TRMT10C: variants seen among roughly 807,000 people sequenced by gnomAD.
TRMT10C encodes tRNA methyltransferase 10C, mitochondrial RNase P subunit, also known as tRNA methyltransferase 10 homolog C.
In TRMT10C, 14 loss-of-function variants were observed where a neutral mutation model predicts 27.4. The observed-to-expected ratio is 0.51, with a 90% confidence interval of 0.34 to 0.80. The LOEUF (loss-of-function observed/expected upper bound fraction) is 0.80. Ranked by LOEUF, TRMT10C falls within the 30% of genes least tolerant of loss-of-function variation. The pLI is 0.02. For missense variants in TRMT10C, 438 were observed against 464.8 expected, an observed-to-expected ratio of 0.94 and a Z score of 0.53; for synonymous variants, 143 against 155.9, an observed-to-expected ratio of 0.92 and a Z score of 0.62.
Position 101,565,167 on chromosome 3 carries a change from A to C in TRMT10C, c.386A>C (p.Lys129Thr). ...ATGGAATGTGTTTCTAACACAGCAA[A>C]AAAAAAATATTTAAAATATTTATAT... ...TLMECVSNTA[K>T]KKYLKYLYTK... The change falls in exon 2 of 2, where the codon AAA becomes ACA. Residue 129 changes from lysine (K) to threonine (T), a missense_variant. This residue lies in a region of TRMT10C where 350 missense variants were observed against 370.5 expected (regional missense o/e 0.94). Transcript: ENST00000309922. 1 of 1,564,916 alleles carries C rather than the reference A, an allele frequency of 6.4e-7. No individual in the cohort carries two copies. Among genetic ancestry groups the C allele is most frequent in the Non-Finnish European group, 8.6e-7 (1 of 1,161,290 alleles).
At position 101,565,865 on chromosome 3, in the gene TRMT10C, T is replaced by G; in HGVS notation, c.1084T>G (p.Cys362Gly). The change falls in exon 2 of 2, where the codon TGT (cysteine) becomes GGT (glycine). Residue 362 changes from cysteine to glycine, a missense_variant. Coordinates refer to ENST00000309922, the MANE Select transcript of TRMT10C (RefSeq NM_017819.4). ...AGATCAAATGATACGTATTTTGTTA[T>G]GTCTGAAAAACAATGGTAATTGGCA... ...TLDQMIRILL[C>G]LKNNGNWQEA... The G allele has an allele frequency of 2.5e-6, 4 of 1,614,218 alleles. No homozygotes were observed. Among genetic ancestry groups the G allele is most frequent in the Non-Finnish European group, 3.4e-6 (4 of 1,180,028 alleles).
chr3:101,565,012 ATG>A lies in TRMT10C; in HGVS notation c.235_236del (p.Val79PhefsTer7), dbSNP rs1187180598. 6.2e-7 allele frequency: 1 copy of A among 1,614,052 alleles called. No homozygotes were observed. The highest frequency in any genetic ancestry group is 8.5e-7 in the Non-Finnish European group (1 of 1,180,018). On this transcript the variant is annotated frameshift_variant, in exon 2 of 2. Coordinates refer to ENST00000309922, the MANE Select transcript of TRMT10C (RefSeq NM_017819.4). LOFTEE classifies it high-confidence loss of function. ...TTMKSSVQEE[C>X]VSTISSSKDE... ...CCATGAAATCTAGTGTGCAAGAAGA[ATG>A]TGTTTCAACAATCTCAAGCAGTAAG...
Position 101,565,260 on chromosome 3 carries a change from C to G in TRMT10C, c.479C>G (p.Ala160Gly). ...ATGAAAGCAGCAGCAAGGGAAGAAG[C>G]AAAAAATATCAAGCTGCTAGAAACC... is the stretch of plus-strand genomic sequence containing the variant. ...KEMKAAAREE[A>G]KNIKLLETTE... is the part of the protein sequence containing the mutation. Residue 160 changes from alanine to glycine, a missense_variant, in exon 2 of 2, where the codon GCA becomes GGA. Ala to Gly is a moderately conservative substitution (Grantham distance 60, BLOSUM62 0). Coordinates refer to ENST00000309922, the MANE Select transcript of TRMT10C (RefSeq NM_017819.4). The G allele has an allele frequency of 6.2e-7, 1 of 1,610,650 alleles. No homozygotes were observed. Among genetic ancestry groups the G allele is most frequent in the South Asian group, 1.1e-5 (1 of 90,176 alleles).
Position 101,566,053 on chromosome 3 carries a change from G to A in TRMT10C, c.*60G>A. On this transcript the variant is annotated 3_prime_UTR_variant, in exon 2 of 2. Transcript: ENST00000309922. ...ACACGTGGCTCAAATGAGAACATTT[G>A]ATGGCTTAAAAAGTAAATGCGTTAG... 1 of 1,498,330 alleles carries A rather than the reference G, an allele frequency of 6.7e-7. No homozygotes were observed. Among genetic ancestry groups the A allele is most frequent in the Non-Finnish European group, 8.9e-7 (1 of 1,119,678 alleles). The allele number at this position is 1,498,330 out of a possible 1,614,324, so 92.8% of individuals were successfully genotyped here.
chr3:101,564,916 A>G lies in TRMT10C; in HGVS notation c.135A>G (p.Pro45=). ...ILQRYMSSKI[P]AVTYPKNEST... is the part of the protein sequence containing the mutation. ...AGAGATACATGTCTTCCAAAATACC[A>G]GCTGTTACTTATCCTAAAAATGAGA... The change falls in exon 2 of 2, where the codon CCA becomes CCG. Residue 45 remains proline (P), a synonymous_variant. Transcript: ENST00000309922. 3 of 1,614,100 alleles carry G rather than the reference A, an allele frequency of 1.9e-6. No homozygotes were observed. The highest frequency in any genetic ancestry group is 2.5e-6 in the Non-Finnish European group (3 of 1,180,010).
rs1934500065 is a variant in TRMT10C, at chr3:101,565,637, A to G, written c.856A>G (p.Ser286Gly). ...KSHVDLFPKD[S>G]IIYLTADSPN... The stretch of plus-strand genomic sequence containing the variant: ...TCATGTAGATTTATTTCCAAAGGAC[A>G]GTATTATCTATTTAACTGCAGATTC... The change falls in exon 2 of 2, where the codon AGT (serine) becomes GGT (glycine). Residue 286 changes from serine (S) to glycine (G), a missense_variant. Physicochemically the swap from Ser to Gly is moderately conservative, Grantham distance 56. Around this residue, in one of 3 missense-constraint regions of TRMT10C, gnomAD observed 350 missense variants for 370.5 expected, o/e 0.94. Transcript: ENST00000309922. 2 of 1,614,100 alleles carry G rather than the reference A, an allele frequency of 1.2e-6. No homozygotes were observed. The highest frequency in any genetic ancestry group is 3.3e-5 in the Admixed American group (2 of 60,000).
rs1386926474 is a variant in TRMT10C, at chr3:101,562,016, C to T, written c.-13+13C>T. On this transcript the variant is annotated intron_variant, in intron 1 of 1. Coordinates refer to ENST00000309922, the MANE Select transcript of TRMT10C (RefSeq NM_017819.4). ...CTCTGCACTCCTGGTAAGCGAGTTT[C>T]TTCTTTCGCCTAATGTGTGTGTTGG... is the stretch of plus-strand genomic sequence containing the variant. The T allele has an allele frequency of 6.6e-6, 1 of 152,152 alleles. No individual in the cohort carries two copies. Among genetic ancestry groups the T allele is most frequent in the Non-Finnish European group, 1.5e-5 (1 of 67,994 alleles). 9.4% of individuals were successfully genotyped at this position (152,152 alleles called of 1,614,324 possible).
rs754358969 is a variant in TRMT10C, at chr3:101,564,987, C to T, written c.206C>T (p.Thr69Ile). 6.2e-7 allele frequency: 1 copy of T among 1,613,686 alleles called. No individual in the cohort carries two copies. The highest frequency in any genetic ancestry group is 1.1e-5 in the South Asian group (1 of 91,060). The change falls in exon 2 of 2, where the codon ACC becomes ATC. Residue 69 changes from threonine to isoleucine, a missense_variant. Coordinates refer to ENST00000309922, the MANE Select transcript of TRMT10C (RefSeq NM_017819.4). ...EELELDKWKT[T>I]MKSSVQEECV... ...CTAGAGTTGGATAAGTGGAAAACTA[C>T]CATGAAATCTAGTGTGCAAGAAGAA... is the stretch of plus-strand genomic sequence containing the variant.
Position 101,565,128 on chromosome 3 carries a change from A to C in TRMT10C, c.347A>C (p.Glu116Ala). The change falls in exon 2 of 2, where the codon GAG becomes GCG. Residue 116 changes from glutamate (E) to alanine (A), a missense_variant. This residue lies in a region of TRMT10C where 350 missense variants were observed against 370.5 expected (regional missense o/e 0.94). Transcript: ENST00000309922. ...GTACCAGAACACATCACTGAAGAAGAGCTCAAAACCCTTATGGAATGTGTT... is the reference window on the plus strand; with the variant it reads ...GTACCAGAACACATCACTGAAGAAGCGCTCAAAACCCTTATGGAATGTGTT... Reference protein sequence around the residue: ...REVPEHITEEELKTLMECVSN... With the variant: ...REVPEHITEEALKTLMECVSN... 1 of 1,613,526 alleles carries C rather than the reference A, an allele frequency of 6.2e-7. No individual in the cohort carries two copies. The highest frequency in any genetic ancestry group is 8.5e-7 in the Non-Finnish European group (1 of 1,179,712).
intron 1 of TRMT10C, among the ~76,000 whole-genome samples, chr3:101,562,363 G>A (rs1483938172): frequency 1.3e-5 from 2 of 152,290 alleles, no homozygotes; most frequent in South Asian, 2.1e-4. Flanking sequence ...TCTCTTTAAA[G>A]GGAGGCTGAG....
At position 101,565,912 on chromosome 3, in the gene TRMT10C, C is replaced by T; in HGVS notation, c.1131C>T (p.Pro377=). 1.9e-6 allele frequency: 3 copies of T among 1,614,040 alleles called. No individual in the cohort carries two copies. Among genetic ancestry groups the T allele is most frequent in the Non-Finnish European group, 2.5e-6 (3 of 1,180,004 alleles). The part of the protein sequence containing the change: ...GNWQEALQFV[P]KRKHTGFLEI... ...GGCAAGAGGCTCTGCAATTCGTTCCCAAGAGAAAACATACTGGTTTTCTGG... is the reference window on the plus strand; with the variant it reads ...GGCAAGAGGCTCTGCAATTCGTTCCTAAGAGAAAACATACTGGTTTTCTGG... Residue 377 remains proline (P), a synonymous_variant, in exon 2 of 2, where the codon CCC becomes CCT. Transcript: ENST00000309922.
At position 101,565,333 on chromosome 3, in the gene TRMT10C, T is replaced by C. The variant is rs1934493084; in HGVS notation, c.552T>C (p.Asp184=). The change falls in exon 2 of 2, where the codon GAT becomes GAC. Residue 184 remains aspartate, a synonymous_variant. Transcript: ENST00000309922. The stretch of plus-strand genomic sequence containing the variant: ...ACTTTCTATTTTTACGACTTTGGGA[T>C]AGGAATATGGACATAGCAATGGGCT... ...QKNFLFLRLW[D]RNMDIAMGWK... 1.2e-6 allele frequency: 2 copies of C among 1,613,620 alleles called. No individual in the cohort carries two copies.
chr3:101,562,862 GC>G (rs1934445156), intron 1 of TRMT10C, among the ~76,000 whole-genome samples: 3 of 151,956 alleles, frequency 2.0e-5, no homozygotes, highest in South Asian at 4.2e-4. Flanking sequence ...AGATAACCAG[GC>G]AATTACAGTG....
In TRMT10C at chr3:101,565,023, C is replaced by T; in HGVS notation, c.242C>T (p.Thr81Ile). 5 of 1,613,898 alleles carry T rather than the reference C, an allele frequency of 3.1e-6. No individual in the cohort carries two copies. The highest frequency in any genetic ancestry group is 4.2e-6 in the Non-Finnish European group (5 of 1,179,994). Reference sequence around the variant, plus strand: ...AGTGTGCAAGAAGAATGTGTTTCAACAATCTCAAGCAGTAAGGATGAAGAT... The same window carrying T: ...AGTGTGCAAGAAGAATGTGTTTCAATAATCTCAAGCAGTAAGGATGAAGAT... ...KSSVQEECVS[T>I]ISSSKDEDPL... Residue 81 changes from threonine to isoleucine, a missense_variant, in exon 2 of 2, where the codon ACA becomes ATA. Thr to Ile is a moderately conservative substitution (Grantham distance 89). Around this residue, in one of 3 missense-constraint regions of TRMT10C, gnomAD observed 350 missense variants for 370.5 expected, o/e 0.94. Coordinates refer to ENST00000309922, the MANE Select transcript of TRMT10C (RefSeq NM_017819.4).
intron 1 of TRMT10C, among the ~76,000 whole-genome samples, chr3:101,563,205 C>A (rs1038731278): frequency 4.6e-5 from 7 of 150,962 alleles, no homozygotes; most frequent in Non-Finnish European, 8.9e-5. Context: ...AACTTCCGCC[C>A]CCCTTATTCA....
chr3:101,564,684 C>G, intron 1 of TRMT10C, 86 bp from the exon 2 acceptor site: 5 of 1,290,852 alleles, frequency 3.9e-6, no homozygotes, highest in Non-Finnish European at 5.3e-6. Context: ...TTTTATTTTG[C>G]TATTTCAAAT....
chr3:101,562,805 T>A (rs746512529), intron 1 of TRMT10C, among the ~76,000 whole-genome samples: 2 of 152,098 alleles, frequency 1.3e-5, no homozygotes, highest in Non-Finnish European at 2.9e-5. Context: ...GACAAAGTCC[T>A]TGTCCTCATG....
At position 101,566,035 on chromosome 3, in the gene TRMT10C, G is replaced by A; in HGVS notation, c.*42G>A. ...TCTCTGAATGTGCACAGAACACGTG[G>A]CTCAAATGAGAACATTTGATGGCTT... On this transcript the variant is annotated 3_prime_UTR_variant, in exon 2 of 2. Coordinates refer to ENST00000309922, the MANE Select transcript of TRMT10C (RefSeq NM_017819.4). 1 of 1,528,004 alleles carries A rather than the reference G, an allele frequency of 6.5e-7. No homozygotes were observed. Among genetic ancestry groups the A allele is most frequent in the Non-Finnish European group, 8.8e-7 (1 of 1,140,230 alleles). The allele number at this position is 1,528,004 out of a possible 1,614,324, so 94.7% of individuals were successfully genotyped here. A position where few individuals can be genotyped will look rare whatever the true frequency, so the allele number is the denominator to read the frequency against.
At chr3:101,563,686 G>A (rs1934462245) in intron 1 of TRMT10C, among the ~76,000 whole-genome samples, 1 of 152,116 alleles carries the variant, frequency 6.6e-6, no homozygotes, top group Admixed American at 6.5e-5. Context: ...TTTTTCAAGT[G>A]TTTTATTTGC....
Sources: gnomAD v4.1 joint callset for allele counts (sites outside exome capture counted in the v4.1 genomes callset) on GRCh38, gnomAD v4.1.1 for gene constraint, gnomAD v4.1.1 regional missense constraint, MANE v1.5 for transcripts, NCBI Gene and HGNC (gene_info 2026-07-23, HGNC 2026-07-21) for gene names.